The following USP33 variants were observed in gnomAD, a reference collection of about 807,000 sequenced individuals.
USP33 encodes ubiquitin carboxyl-terminal hydrolase 33.
A neutral mutation model predicts 124.2 loss-of-function variants in USP33; 46 were observed. The observed-to-expected ratio is 0.37, with a 90% CI of 0.29 to 0.47. USP33 has a LOEUF of 0.47. Ranked by LOEUF, USP33 falls within the 20% of genes least tolerant of loss-of-function variation. USP33 has a pLI of 0.99. For synonymous variants in USP33, 350 were observed against 352.3 expected (o/e 0.99, Z 0.07); for missense variants, 851 against 1,070.6 (o/e 0.79, Z 2.86).
chr1:77,724,012 A>G (rs1676880735), intron 11 of USP33, among the ~76,000 whole-genome samples: 1 of 152,062 alleles, frequency 6.6e-6, no homozygotes, highest in Non-Finnish European at 1.5e-5. Context: ...ATAAATGTAC[A>G]TATGAGAAAA....
At chr1:77,731,273 TA>T (rs1677776428) in intron 7 of USP33, among the ~76,000 whole-genome samples, 1 of 152,234 alleles carries the variant, frequency 6.6e-6, no homozygotes, top group Non-Finnish European at 1.5e-5. Context: ...CTAAACAGGA[TA>T]AAAATTTAAC....
chr1:77,728,935 T>C (rs571242320), intron 9 of USP33, among the ~76,000 whole-genome samples: 1 of 152,284 alleles, frequency 6.6e-6, no homozygotes, highest in East Asian at 1.9e-4. Flanking sequence ...GGTCTCATTC[T>C]GTTGTCCAAG....
At chr1:77,725,839 T>A in intron 10 of USP33, 77 bp from the exon 11 acceptor site, 1 of 1,301,862 alleles carries the variant, frequency 7.7e-7, no homozygotes, top group South Asian at 1.7e-5. Flanking sequence ...AAAGGTTTCT[T>A]AATTTGATAT....
At chr1:77,708,295 A>G (rs12744863) in intron 21 of USP33, among the ~76,000 whole-genome samples, 2,782 of 152,340 alleles carry the variant, frequency 0.018, 44 homozygotes, top group Non-Finnish European at 0.03. Context: ...TATGAAAGGT[A>G]TAAGAGAAAG....
intron 20 of USP33, among the ~76,000 whole-genome samples, chr1:77,712,387 G>A (rs1329645694): frequency 6.6e-6 from 1 of 152,222 alleles, no homozygotes; most frequent in East Asian, 1.9e-4. Flanking sequence ...AGCCAGGCAT[G>A]GTGATGTGTG....
At chr1:77,728,804 A>G (rs989097529) in intron 9 of USP33, 92 bp from the exon 10 acceptor site, 6 of 1,353,800 alleles carry the variant, frequency 4.4e-6, no homozygotes, top group African/African-American at 1.5e-5. Flanking sequence ...ACAAACTTAT[A>G]TATGAAGGTA....
intron 1 of USP33, chr1:77,746,549 A>G (rs1238484645): frequency 1.3e-5 from 2 of 152,230 alleles, no homozygotes; most frequent in African/African-American, 2.4e-5. Context: ...TCATCCTGAC[A>G]CCAAAGCCTG....
intron 4 of USP33, 70 bp from the exon 5 acceptor site, chr1:77,739,487 G>A: frequency 7.1e-7 from 1 of 1,400,562 alleles, no homozygotes; most frequent in South Asian, 1.7e-5. Context: ...TTCTTCAAAA[G>A]ATAACAGAAG....
chr1:77,708,261 T>C (rs1423676834), intron 21 of USP33, among the ~76,000 whole-genome samples: 2 of 152,202 alleles, frequency 1.3e-5, no homozygotes, highest in East Asian at 1.9e-4. Flanking sequence ...CACCAGACTA[T>C]ATATAACCAT....
rs1179911446 is a variant in USP33, at chr1:77,718,482, T to C, written c.1737+114A>G. On this transcript the variant is annotated intron_variant, in intron 16 of 23. Coordinates refer to ENST00000370794, the MANE Select transcript of USP33 (RefSeq NM_201624.3). ...CTGAATAATCTTAAAAAGGCATGCA[T>C]AGCAATCATTCAATTCTTCAACCAA... 1.3e-5 allele frequency: 11 copies of C among 849,362 alleles called. No individual in the cohort carries two copies. The Admixed American group carries it at 1.4e-4, about 11-fold the overall frequency. 52.6% of individuals were successfully genotyped at this position (849,362 alleles called of 1,614,324 possible).
At position 77,729,327 on chromosome 1, in the gene USP33, T is replaced by C. The variant is rs553066496; in HGVS notation, c.717+533A>G. Among the ~76,000 whole-genome samples the C allele has an allele frequency of 2.8e-5, 4 of 142,610 alleles. 1 individual carries two copies. The South Asian group carries it at 9.0e-4, about 32-fold the overall frequency. The allele number at this position is 142,610 out of a possible 152,430, so 93.6% of individuals were successfully genotyped here. ...GAGGGAGGATCGTTTGAGTCAGGAG[T>C]TCAAGACCAGCCAGGGCAACATAAT... On this transcript the variant is annotated intron_variant, in intron 9 of 23. Transcript: ENST00000370794.
Position 77,697,270 on chromosome 1 carries a change from G to A in USP33, c.*47C>T, listed in dbSNP as rs1673508231. Reference sequence around the variant, plus strand: ...AATGTTTTCGCATGTGTACATGTCAGGGCACATGAAAATGATTCCTCATTA... The same window carrying A: ...AATGTTTTCGCATGTGTACATGTCAAGGCACATGAAAATGATTCCTCATTA... On this transcript the variant is annotated 3_prime_UTR_variant, in exon 24 of 24. Transcript: ENST00000370794. 2 of 1,515,408 alleles carry A rather than the reference G, an allele frequency of 1.3e-6. No homozygotes were observed. The highest frequency in any genetic ancestry group is 1.8e-4 in the Middle Eastern group (1 of 5,638). 93.9% of individuals were successfully genotyped at this position (1,515,408 alleles called of 1,614,324 possible). A position where few individuals can be genotyped will look rare whatever the true frequency, so the allele number is the denominator to read the frequency against.
intron 1 of USP33, among the ~76,000 whole-genome samples, chr1:77,751,978 G>A (rs1182875219): frequency 4.6e-5 from 7 of 152,010 alleles, no homozygotes; most frequent in South Asian, 2.1e-4. Flanking sequence ...TTGAGCCACC[G>A]CGCCGCGCCC....
At chr1:77,753,987 A>C (rs1680578162) in intron 1 of USP33, among the ~76,000 whole-genome samples, 1 of 152,194 alleles carries the variant, frequency 6.6e-6, no homozygotes, top group Admixed American at 6.5e-5. Flanking sequence ...ACATGTTCCA[A>C]TTGAACATGA....
chr1:77,705,201 ATTTTTTT>A (rs1000619216), intron 21 of USP33, among the ~76,000 whole-genome samples: 1 of 143,324 alleles, frequency 7.0e-6, no homozygotes, highest in Admixed American at 6.9e-5. Context: ...TTTATTTTTT[ATTTTTTT>A]TTTTGAGACA....
chr1:77,754,105 A>G (rs758378843), intron 1 of USP33, among the ~76,000 whole-genome samples: 8 of 152,290 alleles, frequency 5.3e-5, no homozygotes, highest in Admixed American at 2.6e-4. Flanking sequence ...TCATGGAAGG[A>G]GCATGTTCCC....
chr1:77,726,775 T>G (rs1281441801), intron 10 of USP33, among the ~76,000 whole-genome samples: 1 of 152,112 alleles, frequency 6.6e-6, no homozygotes, highest in Non-Finnish European at 1.5e-5. Context: ...AAAGTAATCA[T>G]AAGTTATTTT....
At chr1:77,701,520 T>C (rs375668277) in intron 21 of USP33, 49 bp from the exon 22 acceptor site, 96 of 1,445,554 alleles carry the variant, frequency 6.6e-5, no homozygotes, top group Non-Finnish European at 8.2e-5. Context: ...ACTTGCTTTA[T>C]GGCAAAACAA....
chr1:77,748,779 T>TTCCC (rs1428350967), intron 1 of USP33, among the ~76,000 whole-genome samples: 16 of 47,630 alleles, frequency 3.4e-4, no homozygotes, highest in South Asian at 7.1e-4. Context: ...ATTCCTTCCC[T>TTCCC]CCCCCCCCCC....
Sources: allele counts gnomAD v4.1 joint callset (sites outside exome capture counted in the v4.1 genomes callset), GRCh38; gene constraint gnomAD v4.1.1; transcripts MANE v1.5; gene names NCBI Gene and HGNC (gene_info 2026-07-23, HGNC 2026-07-21).